ARSG: variants seen among roughly 807,000 people sequenced by gnomAD.
ARSG encodes ASG.
ARSG carries 37 observed loss-of-function variants against 50.5 expected under a neutral mutation model. The observed-to-expected ratio is 0.73, with a 90% CI of 0.56 to 0.96. The LOEUF is 0.96. Ranked by LOEUF, ARSG falls within the 50% of genes least tolerant of loss-of-function variation. The pLI, the probability that ARSG is intolerant of heterozygous loss-of-function variation, is 0.00. For missense variants in ARSG, 629 were observed against 675.3 expected, an observed-to-expected ratio of 0.93 and a Z score of 0.76; for synonymous variants, 225 against 254.6, an observed-to-expected ratio of 0.88 and a Z score of 1.11.
chr17:68,359,032 G>A (rs539830105), intron 6 of ARSG, among the ~76,000 whole-genome samples: 92 of 151,726 alleles, frequency 6.1e-4, no homozygotes, highest in Non-Finnish European at 1.2e-3. Flanking sequence ...GCGTGGTGGC[G>A]GACGCCTGTA....
the ARSG span, among the ~76,000 whole-genome samples, chr17:68,446,844 G>A: frequency 1.3e-5 from 2 of 152,102 alleles, no homozygotes; most frequent in African/African-American, 4.8e-5. Flanking sequence ...TCTGCTCTGC[G>A]GCTCACTCAG....
At chr17:68,425,382 CTT>C (rs112331284), downstream of ARSG, among the ~76,000 whole-genome samples, 15,567 of 132,234 alleles carry the variant, frequency 0.12, 2,443 homozygotes, top group African/African-American at 0.37. Context: ...TTTTTCTTTT[CTT>C]TTTTTTTTTT....
intron 8 of ARSG, among the ~76,000 whole-genome samples, chr17:68,376,327 A>C (rs936804222): frequency 1.4e-5 from 2 of 137,994 alleles, no homozygotes; most frequent in Middle Eastern, 8.1e-3. Flanking sequence ...CCCAGGCTGG[A>C]GTGCAGTGGC....
At chr17:68,316,150 G>T (rs2077061967) in intron 2 of ARSG, among the ~76,000 whole-genome samples, 1 of 152,144 alleles carries the variant, frequency 6.6e-6, no homozygotes. Flanking sequence ...CTTTGCACTG[G>T]CTGTTGCCTC....
chr17:68,266,646 G>C (rs1179528572), intron 1 of ARSG, among the ~76,000 whole-genome samples: 1 of 151,338 alleles, frequency 6.6e-6, no homozygotes, highest in Non-Finnish European at 1.5e-5. Flanking sequence ...CCAATCTCTA[G>C]TAAAAATACA....
In ARSG at chr17:68,307,405, T is replaced by A; in HGVS notation, c.-89T>A. 1 of 1,060,080 alleles carries A rather than the reference T, an allele frequency of 9.4e-7. No homozygotes were observed. Among genetic ancestry groups the A allele is most frequent in the Non-Finnish European group, 1.4e-6 (1 of 705,216 alleles). The allele number at this position is 1,060,080 out of a possible 1,614,324, so 65.7% of individuals were successfully genotyped here. A position where few individuals can be genotyped will look rare whatever the true frequency, so the allele number is the denominator to read the frequency against. On this transcript the variant is annotated 5_prime_UTR_variant, in exon 2 of 12. Coordinates refer to ENST00000621439, the MANE Select transcript of ARSG (RefSeq NM_001267727.2). ...CCCCTGCTCCCCAGAGACTTCCTGC[T>A]TTGAAAGTGAGCAGAAAGGAAGCTC...
intron 1 of ARSG, among the ~76,000 whole-genome samples, chr17:68,304,713 A>G (rs149095805): frequency 6.6e-6 from 1 of 152,336 alleles, no homozygotes; most frequent in Non-Finnish European, 1.5e-5. Flanking sequence ...TTTAAAAAAT[A>G]CAGATAAGGT....
rs556627459 is a variant in ARSG, at chr17:68,399,235, C to T, written c.1213-2125C>T. On this transcript the variant is annotated intron_variant, in intron 10 of 11. Transcript: ENST00000621439. This position sits in a 1 kb window ranked among gnomAD's most constrained non-coding sequence, Gnocchi z 4.6. ...CTTCTCTTAGGGAGGCCCCTAGTGG[C>T]GAGAGATGTCATCTGGCGTGGCTGG... Among the ~76,000 whole-genome samples the T allele has an allele frequency of 3.9e-5, 6 of 152,184 alleles. No individual in the cohort carries two copies. Among genetic ancestry groups the T allele is most frequent in the South Asian group, 2.1e-4 (1 of 4,820 alleles).
At chr17:68,353,213 G>A (rs1235718439) in intron 5 of ARSG, among the ~76,000 whole-genome samples, 1 of 151,862 alleles carries the variant, frequency 6.6e-6, no homozygotes, top group Non-Finnish European at 1.5e-5. Context: ...GCACCAACCT[G>A]ATACCTGATT....
intron 1 of ARSG, among the ~76,000 whole-genome samples, chr17:68,299,009 A>G (rs1555759918): frequency 6.6e-6 from 1 of 152,162 alleles, no homozygotes; most frequent in Non-Finnish European, 1.5e-5. Context: ...GGATAAATCT[A>G]CAAAAATAGA....
chr17:68,375,814 G>T (rs576531493), intron 8 of ARSG, among the ~76,000 whole-genome samples: 1 of 152,280 alleles, frequency 6.6e-6, no homozygotes, highest in Non-Finnish European at 1.5e-5. Flanking sequence ...GTGTCTGTGA[G>T]TCTGGAGTTT....
At chr17:68,448,949 T>G in the ARSG span, among the ~76,000 whole-genome samples, 2 of 152,192 alleles carry the variant, frequency 1.3e-5, no homozygotes, top group African/African-American at 4.8e-5. Flanking sequence ...AGGTCCCACT[T>G]CTCTTTCTCC....
chr17:68,366,673 A>ATGTGTGTG (rs555888280), intron 6 of ARSG, among the ~76,000 whole-genome samples: 13 of 134,868 alleles, frequency 9.6e-5, no homozygotes, highest in African/African-American at 3.6e-4. Context: ...CTAGGAATTT[A>ATGTGTGTG]TGTATGTGTG....
the ARSG span, chr17:68,433,670 T>A: frequency 2.1e-6 from 2 of 954,824 alleles, no homozygotes; most frequent in Non-Finnish European, 1.6e-6. Context: ...ATCAGATGTA[T>A]CCTGAAGAGC....
At chr17:68,315,025 C>G (rs1237889386) in intron 2 of ARSG, among the ~76,000 whole-genome samples, 5 of 152,210 alleles carry the variant, frequency 3.3e-5, no homozygotes, top group African/African-American at 1.2e-4. Flanking sequence ...GTGCCAGGCT[C>G]TAGGCATTAC....
chr17:68,374,157 C>CAAA (rs758829709), intron 8 of ARSG, among the ~76,000 whole-genome samples: 12 of 60,514 alleles, frequency 2.0e-4, no homozygotes, highest in African/African-American at 5.8e-4. Flanking sequence ...ACTCTGTCTC[C>CAAA]AAAAAAAAAA....
At chr17:68,353,680 TTTTTAAAA>T (rs2078902905) in intron 5 of ARSG, among the ~76,000 whole-genome samples, 1 of 152,212 alleles carries the variant, frequency 6.6e-6, no homozygotes, top group South Asian at 2.1e-4. Flanking sequence ...AGCCAATCTC[TTTTTAAAA>T]TTTTAAAATT....
chr17:68,434,461 C>T, the ARSG span: 3 of 1,327,530 alleles, frequency 2.3e-6, no homozygotes, highest in Non-Finnish European at 3.1e-6. Context: ...GTGGAGGGCA[C>T]AGAGCCACTC....
At chr17:68,402,445 A>G (rs1184626667) in intron 11 of ARSG, among the ~76,000 whole-genome samples, 1 of 151,764 alleles carries the variant, frequency 6.6e-6, no homozygotes, top group Admixed American at 6.6e-5. Flanking sequence ...GTATTTCGTC[A>G]TATTGGTCAG....
Sources: allele counts gnomAD v4.1 joint callset (sites outside exome capture counted in the v4.1 genomes callset), GRCh38; gene constraint gnomAD v4.1.1; non-coding constraint Gnocchi (gnomAD v3.1); transcripts MANE v1.5; gene names NCBI Gene and HGNC (gene_info 2026-07-23, HGNC 2026-07-21).